Variants in CTSF observed in about 807,000 individuals in gnomAD.
CTSF encodes the protein cathepsin F.
A neutral mutation model predicts 63.5 loss-of-function variants in CTSF; 65 were observed. The observed-to-expected ratio is 1.02, with a 90% CI of 0.84 to 1.26. The LOEUF (loss-of-function observed/expected upper bound fraction) is 1.26. Ranked by LOEUF, CTSF falls within the 50% of genes most tolerant of loss-of-function variation. The pLI is 0.00. For synonymous variants in CTSF, 256 were observed against 258.1 expected (o/e 0.99, Z 0.08); for missense variants, 641 against 631.0 (o/e 1.02, Z -0.17).
Position 66,564,522 on chromosome 11 carries a change from G to A in CTSF, c.1321+36C>T, listed in dbSNP as rs375050229. The A allele has an allele frequency of 7.5e-5, 112 of 1,496,378 alleles. 1 individual carries two copies. The highest frequency in any genetic ancestry group is 4.6e-4 in the Middle Eastern group (2 of 4,386). 92.7% of individuals were successfully genotyped at this position (1,496,378 alleles called of 1,614,324 possible). A position where few individuals can be genotyped will look rare whatever the true frequency, so the allele number is the denominator to read the frequency against. On this transcript the variant is annotated intron_variant, in intron 11 of 12. Transcript: ENST00000310325. ...ATGCTGTGATCCCACCCCTGCCTGT[G>A]GCCTGGCTGGATGCAGGACAGGCAG...
In CTSF at chr11:66,568,049, T is replaced by A. The variant is rs1857973900; in HGVS notation, c.247A>T (p.Thr83Ser). 1 of 1,602,610 alleles carries A rather than the reference T, an allele frequency of 6.2e-7. No homozygotes were observed. The highest frequency in any genetic ancestry group is 8.5e-7 in the Non-Finnish European group (1 of 1,175,854). The change falls in exon 2 of 13, where the codon ACC becomes TCC. Residue 83 changes from threonine (T) to serine (S), a missense_variant. Coordinates refer to ENST00000310325, the MANE Select transcript of CTSF (RefSeq NM_003793.4). Reference sequence around the variant, plus strand: ...TCGTTGCAGGGTGGCTCCTCCAGGGTGGCCTCCAGGGAGTACAGCGACCCC... The same window carrying A: ...TCGTTGCAGGGTGGCTCCTCCAGGGAGGCCTCCAGGGAGTACAGCGACCCC... ...GQGSLYSLEA[T>S]LEEPPCNDPM...
In CTSF at chr11:66,563,813, T is replaced by G. The variant is rs1405327626; in HGVS notation, c.*120A>C. ...CCAGCCCAGTGCCCTCTGCTCACCCTGAGGTACCCAGTGCCTTTCCCTCTG... is the reference window on the plus strand; with the variant it reads ...CCAGCCCAGTGCCCTCTGCTCACCCGGAGGTACCCAGTGCCTTTCCCTCTG... On this transcript the variant is annotated 3_prime_UTR_variant, in exon 13 of 13. Coordinates refer to ENST00000310325, the MANE Select transcript of CTSF (RefSeq NM_003793.4). The G allele has an allele frequency of 5.7e-5, 72 of 1,263,542 alleles. No individual in the cohort carries two copies. The highest frequency in any genetic ancestry group is 7.2e-5 in the Non-Finnish European group (65 of 903,186). 78.3% of individuals were successfully genotyped at this position (1,263,542 alleles called of 1,614,324 possible). A position where few individuals can be genotyped will look rare whatever the true frequency, so the allele number is the denominator to read the frequency against.
intron 11 of CTSF, 156 bp downstream of exon 11, chr11:66,564,402 A>G: frequency 1.2e-6 from 1 of 800,026 alleles, no homozygotes; most frequent in East Asian, 2.7e-5. Flanking sequence ...CCTGCCATAG[A>G]GAGGACAGAT....
Position 66,567,463 on chromosome 11 carries a change from T to C in CTSF, c.512A>G (p.Asn171Ser). 1.2e-6 allele frequency: 2 copies of C among 1,614,180 alleles called. No homozygotes were observed. Among genetic ancestry groups the C allele is most frequent in the South Asian group, 1.1e-5 (1 of 91,080 alleles). ...ETFSSVISLL[N>S]EDPLSQDLPV... Reference sequence around the variant, plus strand: ...CCTCACCTGGGACAGGGGATCCTCATTCAACAGGGAAATGACTGAGCTGAA... The same window carrying C: ...CCTCACCTGGGACAGGGGATCCTCACTCAACAGGGAAATGACTGAGCTGAA... Residue 171 changes from asparagine to serine, a missense_variant, in exon 3 of 13, where the codon AAT becomes AGT. Coordinates refer to ENST00000310325, the MANE Select transcript of CTSF (RefSeq NM_003793.4).
rs1029005482 is a variant in CTSF, at chr11:66,568,551, C to T, written c.-65G>A. On this transcript the variant is annotated 5_prime_UTR_variant, in exon 1 of 13. Transcript: ENST00000310325. ...CCACCGACCCACCGGGTACCGAGCC[C>T]GCGGCCAGCGGGGCCTGAGTCCTCC... is the stretch of plus-strand genomic sequence containing the variant. 1.4e-6 allele frequency: 2 copies of T among 1,454,930 alleles called. No homozygotes were observed. The highest frequency in any genetic ancestry group is 2.6e-5 in the Admixed American group (1 of 38,910). The allele number at this position is 1,454,930 out of a possible 1,614,324, so 90.1% of individuals were successfully genotyped here. A position where few individuals can be genotyped will look rare whatever the true frequency, so the allele number is the denominator to read the frequency against.
chr11:66,566,113 T>G lies in CTSF; in HGVS notation c.776A>C (p.Asn259Thr), dbSNP rs1331896102. ...CACAGACTTGGCTTGCTTCATCTTG[T>G]TGCCAGGCTCTTTCCTCAGGAGAGT... ...LNTLLRKEPG[N>T]KMKQAKSVGD... Residue 259 changes from asparagine (N) to threonine (T), a missense_variant, in exon 6 of 13, where the codon AAC becomes ACC. By Grantham distance (65) the Asn-to-Thr change is moderately conservative. Coordinates refer to ENST00000310325, the MANE Select transcript of CTSF (RefSeq NM_003793.4). 2 of 1,614,158 alleles carry G rather than the reference T, an allele frequency of 1.2e-6. No homozygotes were observed. Among genetic ancestry groups the G allele is most frequent in the Non-Finnish European group, 1.7e-6 (2 of 1,180,012 alleles).
In CTSF at chr11:66,566,037, T is replaced by C. The variant is rs773124981; in HGVS notation, c.852A>G (p.Thr284=). 1.4e-5 allele frequency: 23 copies of C among 1,614,178 alleles called. No homozygotes were observed. In the East Asian group the frequency reaches 4.9e-4, roughly 34 times the overall value. Residue 284 remains threonine (T), a synonymous_variant, in exon 6 of 13, where the codon ACA becomes ACG. Coordinates refer to ENST00000310325, the MANE Select transcript of CTSF (RefSeq NM_003793.4). The part of the protein sequence containing the change: ...EWDWRSKGAV[T]KVKDQGMCGS... The stretch of plus-strand genomic sequence containing the variant: ...GGGGTCCAACCTGGTCTTTGACTTT[T>C]GTGACAGCCCCCTTACTCCTCCAGT...
rs771542956 is a variant in CTSF at position 66,568,502 on chromosome 11, G to T, written c.-16C>A. 11 of 1,481,144 alleles carry T rather than the reference G, an allele frequency of 7.4e-6. No homozygotes were observed. The African/African-American group carries it at 1.5e-4, about 20-fold the overall frequency. The allele number at this position is 1,481,144 out of a possible 1,614,324, so 91.8% of individuals were successfully genotyped here. ...AGGGCGCCATGGCGAGGGCGAAGCC[G>T]GCGGCCCGGACCCAACAGACGCTCC... is the stretch of plus-strand genomic sequence containing the variant. On this transcript the variant is annotated 5_prime_UTR_variant, in exon 1 of 13. Coordinates refer to ENST00000310325, the MANE Select transcript of CTSF (RefSeq NM_003793.4).
chr11:66,566,473 A>G (rs1475695451), intron 4 of CTSF, 69 bp from the exon 5 acceptor site: 2 of 1,457,244 alleles, frequency 1.4e-6, no homozygotes, highest in Non-Finnish European at 1.9e-6. Flanking sequence ...AATTGGGGCT[A>G]GCAGGCAGGG....
chr11:66,568,113 G>A, intron 1 of CTSF, 31 bp from the exon 2 acceptor site: 1 of 1,599,194 alleles, frequency 6.3e-7, no homozygotes, highest in Non-Finnish European at 8.5e-7. Flanking sequence ...GGCGGGCACA[G>A]TCGGCCCTTG....
In CTSF at chr11:66,568,546, G is replaced by A; in HGVS notation, c.-60C>T. 6.9e-7 allele frequency: 1 copy of A among 1,459,382 alleles called. No homozygotes were observed. 90.4% of individuals were successfully genotyped at this position (1,459,382 alleles called of 1,614,324 possible). ...ACGCTCCACCGACCCACCGGGTACC[G>A]AGCCCGCGGCCAGCGGGGCCTGAGT... is the stretch of plus-strand genomic sequence containing the variant. On this transcript the variant is annotated 5_prime_UTR_variant, in exon 1 of 13. Transcript: ENST00000310325.
chr11:66,563,959 T>C lies in CTSF; in HGVS notation c.1429A>G (p.Met477Val), dbSNP rs369589254. ...CAGTCCACCACCGCCGAGCTGGCCA[T>C]GGTGTTCACGCCACAGGCCCCGGAC... Reference protein sequence around the residue: ...RGSGACGVNTMASSAVVD With the variant: ...RGSGACGVNTVASSAVVD Residue 477 changes from methionine to valine, a missense_variant, in exon 13 of 13, where the codon ATG becomes GTG. By Grantham distance (21) the Met-to-Val change is conservative (BLOSUM62 1). Transcript: ENST00000310325. 5.6e-6 allele frequency: 9 copies of C among 1,613,356 alleles called. No individual in the cohort carries two copies. The highest frequency in any genetic ancestry group is 1.1e-5 in the South Asian group (1 of 91,068).
At position 66,565,853 on chromosome 11, in the gene CTSF, G is replaced by C; in HGVS notation, c.942C>G (p.Thr314=). 1.2e-6 allele frequency: 2 copies of C among 1,613,982 alleles called. No individual in the cohort carries two copies. The highest frequency in any genetic ancestry group is 1.7e-6 in the Non-Finnish European group (2 of 1,180,016). Residue 314 remains threonine (T), a synonymous_variant, in exon 7 of 13, where the codon ACC becomes ACG. Transcript: ENST00000310325. ...CACCCTGTTCAGAGAGGGAGAGCAG[G>C]GTCCCCTGGTTGAGAAACCACTGGC... The part of the protein sequence containing the change: ...VEGQWFLNQG[T]LLSLSEQELL...
In CTSF at chr11:66,567,666, G is replaced by T; in HGVS notation, c.313-4C>A. On this transcript the variant is annotated splice_polypyrimidine_tract_variant and splice_region_variant and intron_variant, in intron 2 of 12. Transcript: ENST00000310325. Reference sequence around the variant, plus strand: ...CCAGGACTTGGAAGCTGCAGAGCTGGAGGGAGAGGAAGAAGCTGCTCTGGG... The same window carrying T: ...CCAGGACTTGGAAGCTGCAGAGCTGTAGGGAGAGGAAGAAGCTGCTCTGGG... The T allele has an allele frequency of 6.2e-7, 1 of 1,612,138 alleles. No individual in the cohort carries two copies. Among genetic ancestry groups the T allele is most frequent in the Non-Finnish European group, 8.5e-7 (1 of 1,179,022 alleles).
At chr11:66,566,506 G>A in intron 4 of CTSF, 102 bp from the exon 5 acceptor site, 2 of 1,054,886 alleles carry the variant, frequency 1.9e-6, no homozygotes, top group African/African-American at 1.6e-5. Context: ...AGCAGGTAGG[G>A]GTGGGGGCCA....
At chr11:66,565,993 T>C (rs1857921567) in intron 6 of CTSF, 29 bp downstream of exon 6, 1 of 1,614,042 alleles carries the variant, frequency 6.2e-7, no homozygotes, top group African/African-American at 1.3e-5. Flanking sequence ...GCAGTGCCCA[T>C]GTCCCACCCT....
Position 66,567,544 on chromosome 11 carries a change from C to T in CTSF, c.431G>A (p.Gly144Asp). The change falls in exon 3 of 13, where the codon GGC (glycine) becomes GAC (aspartate). Residue 144 changes from glycine to aspartate, a missense_variant. Physicochemically the swap from Gly to Asp is moderately conservative, Grantham distance 94. Coordinates refer to ENST00000310325, the MANE Select transcript of CTSF (RefSeq NM_003793.4). ...AGEPKSAFTQ[G>D]SAMISSLSQN... ...GGACAGAGAAGAAATCATGGCTGAGCCCTGAGTGAAGGCTGACTTGGGCTC... is the reference window on the plus strand; with the variant it reads ...GGACAGAGAAGAAATCATGGCTGAGTCCTGAGTGAAGGCTGACTTGGGCTC... 6.2e-7 allele frequency: 1 copy of T among 1,614,206 alleles called. No homozygotes were observed. The highest frequency in any genetic ancestry group is 8.5e-7 in the Non-Finnish European group (1 of 1,180,042).
At chr11:66,567,868 G>A in intron 2 of CTSF, 116 bp downstream of exon 2, 1 of 1,423,720 alleles carries the variant, frequency 7.0e-7, no homozygotes, top group Non-Finnish European at 9.5e-7. Context: ...CTGGGAAGTG[G>A]CTCAAGGTGG....
At position 66,563,650 on chromosome 11, in the gene CTSF, C is replaced by G; in HGVS notation, c.*283G>C. 1 of 568,678 alleles carries G rather than the reference C, an allele frequency of 1.8e-6. No individual in the cohort carries two copies. Among genetic ancestry groups the G allele is most frequent in the Non-Finnish European group, 3.1e-6 (1 of 318,884 alleles). 35.2% of individuals were successfully genotyped at this position (568,678 alleles called of 1,614,324 possible). ...TTTTCTTCCTGCTCATTACCCAAGCCCAGAGTTCTTGCCCCAGCTTCAACT... is the reference window on the plus strand; with the variant it reads ...TTTTCTTCCTGCTCATTACCCAAGCGCAGAGTTCTTGCCCCAGCTTCAACT... On this transcript the variant is annotated 3_prime_UTR_variant, in exon 13 of 13. Coordinates refer to ENST00000310325, the MANE Select transcript of CTSF (RefSeq NM_003793.4).
Sources: gnomAD v4.1 joint callset for allele counts on GRCh38, gnomAD v4.1.1 for gene constraint, MANE v1.5 for transcripts, NCBI Gene and HGNC (gene_info 2026-07-23, HGNC 2026-07-21) for gene names.